PCDHA11: variants seen among roughly 807,000 people sequenced by gnomAD.
PCDHA11 encodes the protein protocadherin alpha 11, also known as protocadherin alpha-11.
PCDHA11 carries 61 observed loss-of-function variants against 70.3 expected under a neutral mutation model. The ratio of observed to expected loss-of-function variants is 0.87; its 90% CI spans 0.71 to 1.07. PCDHA11 has a LOEUF of 1.07. Among genes scored for constraint, PCDHA11 ranks in the 50% least tolerant of loss-of-function variants. PCDHA11 has a pLI of 0.00. For missense variants in PCDHA11, 1,324 were observed against 1,237.5 expected (o/e 1.07, Z -1.05); for synonymous variants, 633 against 555.1 (o/e 1.14, Z -1.97).
chr5:140,879,908 T>G (rs1468115653), intron 1 of PCDHA11, among the ~76,000 whole-genome samples: 2 of 152,218 alleles, frequency 1.3e-5, no homozygotes, highest in Non-Finnish European at 2.9e-5. Context: ...TCTCTCTATG[T>G]GTTGGTTTTA....
At position 140,973,488 on chromosome 5, in the gene PCDHA11, G is replaced by A. The variant is rs186493160; in HGVS notation, c.2392-5461G>A. Reference sequence around the variant, plus strand: ...GTTTGCAAATTTCATATTGGTCACAGGACTCTTCTTCTGAGAAAAAGTTTA... The same window carrying A: ...GTTTGCAAATTTCATATTGGTCACAAGACTCTTCTTCTGAGAAAAAGTTTA... On this transcript the variant is annotated intron_variant, in intron 1 of 3. Coordinates refer to ENST00000398640, the MANE Select transcript of PCDHA11 (RefSeq NM_018902.5). Among the ~76,000 whole-genome samples, 7 of 152,228 alleles carry A rather than the reference G, an allele frequency of 4.6e-5. No homozygotes were observed. The East Asian group carries it at 1.3e-3, about 29-fold the overall frequency.
At chr5:140,876,597 G>A in intron 1 of PCDHA11, 1 of 1,614,160 alleles carries the variant, frequency 6.2e-7, no homozygotes, top group Non-Finnish European at 8.5e-7. Flanking sequence ...TTAGCGTGTC[G>A]GATCGTGACT....
intron 1 of PCDHA11, among the ~76,000 whole-genome samples, chr5:140,893,446 A>C (rs1305001651): frequency 6.6e-6 from 1 of 152,132 alleles, no homozygotes; most frequent in Non-Finnish European, 1.5e-5. Flanking sequence ...TGAAGCCAGG[A>C]GTTCAAGACC....
At chr5:140,875,457 G>T in intron 1 of PCDHA11, 3 of 1,595,968 alleles carry the variant, frequency 1.9e-6, no homozygotes, top group Non-Finnish European at 2.6e-6. Flanking sequence ...CAACTCAGAG[G>T]CCCTCATTTT....
At chr5:140,921,198 A>T (rs1298623554) in intron 1 of PCDHA11, among the ~76,000 whole-genome samples, 2 of 152,076 alleles carry the variant, frequency 1.3e-5, no homozygotes, top group African/African-American at 4.8e-5. Flanking sequence ...CAATAGATTG[A>T]CAACGATAAT....
chr5:141,009,868 G>C lies in PCDHA11; in HGVS notation c.2781G>C (p.Lys927Asn). 1 of 1,614,022 alleles carries C rather than the reference G, an allele frequency of 6.2e-7. No individual in the cohort carries two copies. Among genetic ancestry groups the C allele is most frequent in the Non-Finnish European group, 8.5e-7 (1 of 1,180,004 alleles). Residue 927 changes from lysine (K) to asparagine (N), a missense_variant, in exon 4 of 4, where the codon AAG becomes AAC. Transcript: ENST00000398640. ...AGGAGACCAAGAAAAAGAAGAAAAA[G>C]AAGAAGGGTAACAAGACCCAGGAGA... ...KKEETKKKKKKKKGNKTQEKK... is the reference protein window; with the variant it reads ...KKEETKKKKKNKKGNKTQEKK...
At chr5:140,901,181 G>A (rs2068491755) in intron 1 of PCDHA11, among the ~76,000 whole-genome samples, 1 of 152,010 alleles carries the variant, frequency 6.6e-6, no homozygotes, top group African/African-American at 2.4e-5. Flanking sequence ...TTTGTTGATT[G>A]TTTGCTTTTC....
intron 1 of PCDHA11, among the ~76,000 whole-genome samples, chr5:140,975,946 A>T (rs989122714): frequency 6.6e-6 from 1 of 152,210 alleles, no homozygotes; most frequent in Non-Finnish European, 1.5e-5. Context: ...AATAGGACAT[A>T]TTAGAGTTCT....
rs782026939 is a variant in PCDHA11, at chr5:140,883,016, A to T, written c.2391+11522A>T. 6.8e-6 allele frequency: 11 copies of T among 1,614,158 alleles called. No individual in the cohort carries two copies. The Admixed American group carries it at 1.7e-4, about 24-fold the overall frequency. On this transcript the variant is annotated intron_variant, in intron 1 of 3. Coordinates refer to ENST00000398640, the MANE Select transcript of PCDHA11 (RefSeq NM_018902.5). ...ATTTTACCAATCCGTTTATAAAGTG[A>T]CGGTGTTAGAGAACGCCTTCAATGG...
intron 3 of PCDHA11, among the ~76,000 whole-genome samples, chr5:141,003,811 C>G (rs1490096042): frequency 1.3e-5 from 2 of 152,114 alleles, no homozygotes; most frequent in African/African-American, 4.8e-5. Context: ...AATCTGTAGT[C>G]TGGGAAGGGC....
At chr5:140,920,415 G>A (rs1229102806) in intron 1 of PCDHA11, among the ~76,000 whole-genome samples, 4 of 152,002 alleles carry the variant, frequency 2.6e-5, no homozygotes, top group Non-Finnish European at 5.9e-5. Flanking sequence ...ATCAGATACA[G>A]CTGTTCTCCC....
intron 1 of PCDHA11, among the ~76,000 whole-genome samples, chr5:140,885,773 G>T (rs1419137937): frequency 6.6e-6 from 1 of 152,016 alleles, no homozygotes; most frequent in African/African-American, 2.4e-5. Flanking sequence ...TATAGTATTA[G>T]TGAATTTGAG....
intron 1 of PCDHA11, chr5:140,875,592 A>G: frequency 6.2e-7 from 1 of 1,613,992 alleles, no homozygotes; most frequent in Non-Finnish European, 8.5e-7. Flanking sequence ...AGGAGGCCAA[A>G]CACGGCACCT....
intron 1 of PCDHA11, among the ~76,000 whole-genome samples, chr5:140,941,241 TTCTTTCTTTCTTTC>T (rs1247398838): frequency 5.8e-4 from 81 of 140,456 alleles, no homozygotes; most frequent in African/African-American, 2.0e-3. Flanking sequence ...CTTTCTTTCT[TTCTTTCTTTCTTTC>T]TCTTTCTTTC....
At position 140,969,519 on chromosome 5, in the gene PCDHA11, G is replaced by A. The variant is rs1586385280; in HGVS notation, c.2392-9430G>A. On this transcript the variant is annotated intron_variant, in intron 1 of 3. Transcript: ENST00000398640. ...TCTAGAAAAATAGCACTAAAGAATTGTTTTATTTTTCATTTTCAGAGGCAT... is the reference window on the plus strand; with the variant it reads ...TCTAGAAAAATAGCACTAAAGAATTATTTTATTTTTCATTTTCAGAGGCAT... The A allele has an allele frequency of 3.6e-6, 5 of 1,406,074 alleles. No individual in the cohort carries two copies. The East Asian group carries it at 1.3e-4, about 35-fold the overall frequency. 87.1% of individuals were successfully genotyped at this position (1,406,074 alleles called of 1,614,324 possible). A position where few individuals can be genotyped will look rare whatever the true frequency, so the allele number is the denominator to read the frequency against.
At chr5:140,927,419 G>A (rs781883331) in intron 1 of PCDHA11, 1 of 1,614,140 alleles carries the variant, frequency 6.2e-7, no homozygotes, top group South Asian at 1.1e-5. Flanking sequence ...ATGGGATCGC[G>A]GGTTGACGGC....
chr5:141,009,809 G>T lies in PCDHA11; in HGVS notation c.2722G>T (p.Asp908Tyr), dbSNP rs782057926. The T allele has an allele frequency of 6.2e-7, 1 of 1,613,834 alleles. No homozygotes were observed. Among genetic ancestry groups the T allele is most frequent in the Non-Finnish European group, 8.5e-7 (1 of 1,180,010 alleles). ...GCAGGAGCCTACTAACAGCCAAATT[G>T]ACAAAAGTGACTTCATAACCTTCGG... ...IRQEPTNSQI[D>Y]KSDFITFGKK... The change falls in exon 4 of 4, where the codon GAC becomes TAC. Residue 908 changes from aspartate to tyrosine, a missense_variant. Physicochemically the swap from Asp to Tyr is radical, Grantham distance 160 (BLOSUM62 -3). Coordinates refer to ENST00000398640, the MANE Select transcript of PCDHA11 (RefSeq NM_018902.5).
chr5:141,004,888 G>A lies in PCDHA11; in HGVS notation c.2540-4739G>A, dbSNP rs555046086. ...TTTCTCATCCCTAAAGTGCTATTGT[G>A]TCAGCTCTGCCAGGGTGTAAGGAAA... On this transcript the variant is annotated intron_variant, in intron 3 of 3. Transcript: ENST00000398640. Among the ~76,000 whole-genome samples the A allele has an allele frequency of 2.0e-5, 3 of 152,250 alleles. No individual in the cohort carries two copies. The East Asian group carries it at 5.8e-4, about 29-fold the overall frequency.
intron 3 of PCDHA11, among the ~76,000 whole-genome samples, chr5:140,984,583 T>C (rs2097109355): frequency 6.6e-6 from 1 of 152,200 alleles, no homozygotes; most frequent in South Asian, 2.1e-4. Context: ...AACCTAATCA[T>C]ACTTTTCAAT....
Sources: allele counts gnomAD v4.1 joint callset (sites outside exome capture counted in the v4.1 genomes callset), GRCh38; gene constraint gnomAD v4.1.1; transcripts MANE v1.5; gene names NCBI Gene and HGNC (gene_info 2026-07-23, HGNC 2026-07-21).